The following KCNK12 variants were observed in gnomAD, a reference collection of about 807,000 sequenced individuals.
The protein encoded by KCNK12 is potassium channel subfamily K member 12.
Under a neutral mutation model 25.3 loss-of-function variants are expected in KCNK12, and 6 were observed. The observed-to-expected ratio is 0.24, with a 90% CI of 0.13 to 0.47. The LOEUF (loss-of-function observed/expected upper bound fraction) is 0.47. Ranked by LOEUF, KCNK12 falls within the 20% of genes least tolerant of loss-of-function variation. The pLI is 0.99. For missense variants in KCNK12, 444 were observed against 661.7 expected, an observed-to-expected ratio of 0.67 and a Z score of 3.61; for synonymous variants, 331 against 311.1, an observed-to-expected ratio of 1.06 and a Z score of -0.67.
chr2:47,528,323 A>G lies in KCNK12; in HGVS notation c.392-6515T>C. ...CAGAGCACACTCAGCTCATCCTGGG[A>G]GACAAGGTGGGGGTGGAGGATGGTC... On this transcript the variant is annotated intron_variant, in intron 1 of 1. Coordinates refer to ENST00000327876, the MANE Select transcript of KCNK12 (RefSeq NM_022055.2). The surrounding 1 kb of genome is among the most constrained non-coding windows in gnomAD (Gnocchi z 4.5). 6.6e-6 allele frequency: 1 copy of G among 152,504 alleles called. No individual in the cohort carries two copies. Among genetic ancestry groups the G allele is most frequent in the Non-Finnish European group, 1.5e-5 (1 of 68,254 alleles). The allele number at this position is 152,504 out of a possible 1,614,324, so 9.4% of individuals were successfully genotyped here. A position where few individuals can be genotyped will look rare whatever the true frequency, so the allele number is the denominator to read the frequency against.
At chr2:47,522,754 A>G (rs1370928496) in intron 1 of KCNK12, among the ~76,000 whole-genome samples, 2 of 152,226 alleles carry the variant, frequency 1.3e-5, no homozygotes, top group Non-Finnish European at 1.5e-5. Flanking sequence ...TCACTTCCCT[A>G]GTTCTTACAG....
At chr2:47,546,494 A>G (rs1669317796) in intron 1 of KCNK12, among the ~76,000 whole-genome samples, 1 of 152,166 alleles carries the variant, frequency 6.6e-6, no homozygotes, top group South Asian at 2.1e-4. Context: ...CCATCTCTAC[A>G]AAAACTACAA....
In KCNK12 at chr2:47,520,927, C is replaced by T; in HGVS notation, c.1273G>A (p.Glu425Lys). The T allele has an allele frequency of 7.9e-7, 1 of 1,267,706 alleles. No individual in the cohort carries two copies. Among genetic ancestry groups the T allele is most frequent in the Non-Finnish European group, 9.9e-7 (1 of 1,005,588 alleles). 78.5% of individuals were successfully genotyped at this position (1,267,706 alleles called of 1,614,324 possible). Reference protein sequence around the residue: ...ALGIMNNRLAETSASR With the variant: ...ALGIMNNRLAKTSASR ...GCGGTCTACCTGGAGGCGCTGGTCT[C>T]GGCCAGCCGGTTGTTCATGATGCCC... Residue 425 changes from glutamate to lysine, a missense_variant, in exon 2 of 2, where the codon GAG (glutamate) becomes AAG (lysine). Glu to Lys is a moderately conservative substitution (Grantham distance 56). This residue lies in a region of KCNK12 where 57 missense variants were observed against 68.9 expected (regional missense o/e 0.83). Coordinates refer to ENST00000327876, the MANE Select transcript of KCNK12 (RefSeq NM_022055.2). The surrounding 1 kb of genome is among the most constrained non-coding windows in gnomAD (Gnocchi z 5.0).
intron 1 of KCNK12, among the ~76,000 whole-genome samples, chr2:47,558,867 T>A (rs1669603836): frequency 6.6e-6 from 1 of 152,234 alleles, no homozygotes; most frequent in Non-Finnish European, 1.5e-5. Flanking sequence ...GAATTGCATT[T>A]CATTACTGAT....
At chr2:47,542,896 T>G (rs1669231171) in intron 1 of KCNK12, among the ~76,000 whole-genome samples, 1 of 152,226 alleles carries the variant, frequency 6.6e-6, no homozygotes, top group African/African-American at 2.4e-5. Context: ...ATTCACACAT[T>G]GGCTTGAGAA....
At chr2:47,524,648 C>T (rs1378494261) in intron 1 of KCNK12, among the ~76,000 whole-genome samples, 1 of 152,148 alleles carries the variant, frequency 6.6e-6, no homozygotes, top group Non-Finnish European at 1.5e-5. Context: ...TAGGGGACCT[C>T]TGGGGTGCTA....
In KCNK12 at chr2:47,570,880, G is replaced by C. The variant is rs921866830; in HGVS notation, c.-549C>G. ...GTCCTGCTCCCGCCCCCGGGGCTGA[G>C]CTGGCGGCGTCGGCTTCAGAGCCTC... On this transcript the variant is annotated 5_prime_UTR_variant, in exon 1 of 2. Transcript: ENST00000327876. 2 of 152,198 alleles carry C rather than the reference G, an allele frequency of 1.3e-5. No homozygotes were observed. The highest frequency in any genetic ancestry group is 2.9e-5 in the Non-Finnish European group (2 of 68,070). 9.4% of individuals were successfully genotyped at this position (152,198 alleles called of 1,614,324 possible). A position where few individuals can be genotyped will look rare whatever the true frequency, so the allele number is the denominator to read the frequency against.
chr2:47,522,378 A>C (rs1374737248), intron 1 of KCNK12, among the ~76,000 whole-genome samples: 1 of 151,590 alleles, frequency 6.6e-6, no homozygotes, highest in African/African-American at 2.4e-5. Context: ...TTACTTGGAA[A>C]CTCCACTGCC....
intron 1 of KCNK12, among the ~76,000 whole-genome samples, chr2:47,537,223 T>G (rs1294780637): frequency 6.6e-6 from 1 of 152,274 alleles, no homozygotes. Flanking sequence ...TAAATGAAAT[T>G]CTTTCCAAGT....
At position 47,521,579 on chromosome 2, in the gene KCNK12, C is replaced by G. The variant is rs1261974702; in HGVS notation, c.621G>C (p.Ala207=). 3.2e-6 allele frequency: 5 copies of G among 1,559,014 alleles called. No homozygotes were observed. Among genetic ancestry groups the G allele is most frequent in the Non-Finnish European group, 4.3e-6 (5 of 1,151,476 alleles). The change falls in exon 2 of 2, where the codon GCG becomes GCC. Residue 207 remains alanine (A), a synonymous_variant. Coordinates refer to ENST00000327876, the MANE Select transcript of KCNK12 (RefSeq NM_022055.2). The part of the protein sequence containing the change: ...GSALSEADSL[A]GWKPSVYHVL... Reference sequence around the variant, plus strand: ...CGTGGTACACCGAGGGCTTCCAGCCCGCCAGGCTGTCGGCCTCCGAGAGCG... The same window carrying G: ...CGTGGTACACCGAGGGCTTCCAGCCGGCCAGGCTGTCGGCCTCCGAGAGCG...
intron 1 of KCNK12, among the ~76,000 whole-genome samples, chr2:47,532,408 C>G (rs1468205356): frequency 2.0e-5 from 3 of 152,076 alleles, no homozygotes; most frequent in African/African-American, 7.2e-5. Context: ...GTCACCCAGG[C>G]TGGAGTGCAG....
rs954531516 is a variant in KCNK12 at position 47,521,504 on chromosome 2, C to G, written c.696G>C (p.Ser232=). The stretch of plus-strand genomic sequence containing the variant: ...AGCCCTCCACGCTGGTGTACATGGC[C>G]GAGGCGCAGCAGGACAGCAGCACGG... ...LFAVLLSCCA[S]AMYTSVEGWD... Residue 232 remains serine (S), a synonymous_variant, in exon 2 of 2, where the codon TCG becomes TCC. Transcript: ENST00000327876. 6.3e-7 allele frequency: 1 copy of G among 1,594,154 alleles called. No homozygotes were observed. The highest frequency in any genetic ancestry group is 1.1e-5 in the South Asian group (1 of 87,982).
intron 1 of KCNK12, among the ~76,000 whole-genome samples, chr2:47,531,337 G>C (rs1668923017): frequency 6.6e-6 from 1 of 152,150 alleles, no homozygotes; most frequent in Non-Finnish European, 1.5e-5. Flanking sequence ...GCTGGGCGTG[G>C]TGGCGTGTGC....
At chr2:47,553,624 A>G (rs954853700) in intron 1 of KCNK12, among the ~76,000 whole-genome samples, 3 of 152,240 alleles carry the variant, frequency 2.0e-5, no homozygotes, top group Admixed American at 1.3e-4. Flanking sequence ...CGGCATAACT[A>G]TATAGTGACT....
rs187352296 is a variant in KCNK12 at position 47,542,007 on chromosome 2, G to A, written c.392-20199C>T. 3.0e-4 allele frequency among the ~76,000 whole-genome samples: 45 copies of A among 152,322 alleles called. No individual in the cohort carries two copies. In the East Asian group the frequency reaches 8.5e-3, roughly 29 times the overall value. On this transcript the variant is annotated intron_variant, in intron 1 of 1. Coordinates refer to ENST00000327876, the MANE Select transcript of KCNK12 (RefSeq NM_022055.2). Reference sequence around the variant, plus strand: ...AGCAGCAGCAGCAGCAGCGGCAGCAGGGAGCCCAGGATGCAAAGCTTGGTT... The same window carrying A: ...AGCAGCAGCAGCAGCAGCGGCAGCAAGGAGCCCAGGATGCAAAGCTTGGTT...
intron 1 of KCNK12, chr2:47,563,210 C>G (rs1669719079): frequency 8.6e-6 from 2 of 233,436 alleles, no homozygotes; most frequent in Admixed American, 5.6e-5. Flanking sequence ...GTCACTCAGC[C>G]TGCCTTCTGC....
chr2:47,526,561 C>T (rs1391367381), intron 1 of KCNK12, among the ~76,000 whole-genome samples: 4 of 151,992 alleles, frequency 2.6e-5, no homozygotes, highest in Non-Finnish European at 4.4e-5. Flanking sequence ...GGCGAAACTC[C>T]GTTTATACTA....
rs80166541 is a variant in KCNK12, at chr2:47,512,863, C to G, written c.*8044G>C. 6.2e-6 allele frequency: 1 copy of G among 162,316 alleles called. No homozygotes were observed. The highest frequency in any genetic ancestry group is 1.8e-4 in the East Asian group (1 of 5,546). 10.1% of individuals were successfully genotyped at this position (162,316 alleles called of 1,614,324 possible). On this transcript the variant is annotated 3_prime_UTR_variant, in exon 2 of 2. Transcript: ENST00000327876. The stretch of plus-strand genomic sequence containing the variant: ...CCACTATCAACAGGTAGCTATCATA[C>G]TACCCTCATTGTCACCCCTCAGAGG...
chr2:47,533,736 G>A lies in KCNK12; in HGVS notation c.392-11928C>T, dbSNP rs1490534940. ...GTGTGGGAGAGATATTTTTAAATGGGGCTGTTGTGGAAAAGCTGAGACCGT... is the reference window on the plus strand; with the variant it reads ...GTGTGGGAGAGATATTTTTAAATGGAGCTGTTGTGGAAAAGCTGAGACCGT... On this transcript the variant is annotated intron_variant, in intron 1 of 1. Transcript: ENST00000327876. This position sits in a 1 kb window ranked among gnomAD's most constrained non-coding sequence, Gnocchi z 4.7. Among the ~76,000 whole-genome samples, 1 of 152,188 alleles carries A rather than the reference G, an allele frequency of 6.6e-6. No homozygotes were observed. The highest frequency in any genetic ancestry group is 1.9e-4 in the East Asian group (1 of 5,194).
Sources: allele counts gnomAD v4.1 joint callset (sites outside exome capture counted in the v4.1 genomes callset), GRCh38; gene constraint gnomAD v4.1.1; regional missense constraint gnomAD v4.1.1; non-coding constraint Gnocchi (gnomAD v3.1); transcripts MANE v1.5; gene names NCBI Gene and HGNC (gene_info 2026-07-23, HGNC 2026-07-21).